JAG2: variants seen among roughly 807,000 people sequenced by gnomAD.
JAG2 encodes jagged canonical Notch ligand 2.
JAG2 carries 46 observed loss-of-function variants against 141.7 expected under a neutral mutation model. The ratio of observed to expected loss-of-function variants is 0.32; its 90% CI spans 0.26 to 0.42. The LOEUF is 0.42. JAG2 is among the 10% of genes least tolerant of loss of function. The pLI, the probability that JAG2 is intolerant of heterozygous loss-of-function variation, is 1.00. For missense variants in JAG2, 1,500 were observed against 1,817.5 expected, an observed-to-expected ratio of 0.83 and a Z score of 3.18; for synonymous variants, 862 against 763.5, an observed-to-expected ratio of 1.13 and a Z score of -2.13.
At position 105,151,596 on chromosome 14, in the gene JAG2, G is replaced by A. The variant is rs200292411; in HGVS notation, c.1153+30C>T. The A allele has an allele frequency of 3.2e-6, 5 of 1,539,710 alleles. No individual in the cohort carries two copies. In the East Asian group the frequency reaches 1.2e-4, roughly 36 times the overall value. On this transcript the variant is annotated intron_variant, in intron 8 of 25. Transcript: ENST00000331782. ...CCCAGACCCCCACTGATACTAGGCA[G>A]GAGTCCCCTACTCACGTGCAGACAC...
Position 105,168,440 on chromosome 14 carries a change from CCCGGCCCCGCCGCCGCCGCCCGCG to C in JAG2, c.-44_-21del. 1.3e-6 allele frequency: 1 copy of C among 774,266 alleles called. No individual in the cohort carries two copies. The highest frequency in any genetic ancestry group is 1.6e-6 in the Non-Finnish European group (1 of 639,454). The allele number at this position is 774,266 out of a possible 1,614,324, so 48.0% of individuals were successfully genotyped here. A position where few individuals can be genotyped will look rare whatever the true frequency, so the allele number is the denominator to read the frequency against. ...CCGCATTGCCCCCGCGACCCGCCCG[CCCGGCCCCGCCGCCGCCGCCCGCG>C]CCCGGCTCCCAGCCGCCGCGCCGGC... On this transcript the variant is annotated 5_prime_UTR_variant, in exon 1 of 26. Coordinates refer to ENST00000331782, the MANE Select transcript of JAG2 (RefSeq NM_002226.5).
At position 105,167,722 on chromosome 14, in the gene JAG2, G is replaced by T. The variant is rs1384514264; in HGVS notation, c.417+35C>A. On this transcript the variant is annotated intron_variant, in intron 2 of 25. Transcript: ENST00000331782. This position sits in a 1 kb window ranked among gnomAD's most constrained non-coding sequence, Gnocchi z 4.8. ...CGGGGCCGGGGCGCGGAGAGAGAGG[G>T]AAGGGCTGGAGCACGAGGGATGGAG... 7 of 1,411,336 alleles carry T rather than the reference G, an allele frequency of 5.0e-6. No homozygotes were observed. The highest frequency in any genetic ancestry group is 5.6e-5 in the Admixed American group (2 of 35,912). 87.4% of individuals were successfully genotyped at this position (1,411,336 alleles called of 1,614,324 possible). A position where few individuals can be genotyped will look rare whatever the true frequency, so the allele number is the denominator to read the frequency against.
Position 105,145,991 on chromosome 14 carries a change from G to A in JAG2, c.2710-18C>T. Reference sequence around the variant, plus strand: ...CACCACACCTGGGCAGGCACGCACAGGAGGGTCAGGCGCAGGCGCACAGGA... The same window carrying A: ...CACCACACCTGGGCAGGCACGCACAAGAGGGTCAGGCGCAGGCGCACAGGA... On this transcript the variant is annotated intron_variant, in intron 22 of 25. Transcript: ENST00000331782. The A allele has an allele frequency of 6.3e-7, 1 of 1,590,998 alleles. No individual in the cohort carries two copies. Among genetic ancestry groups the A allele is most frequent in the Non-Finnish European group, 8.5e-7 (1 of 1,171,726 alleles).
intron 5 of JAG2, among the ~76,000 whole-genome samples, chr14:105,153,714 GC>G (rs1479205401): frequency 1.3e-5 from 2 of 152,172 alleles, no homozygotes; most frequent in African/African-American, 4.8e-5. Context: ...CTCACCTACT[GC>G]CCCCACCCAC....
chr14:105,166,495 C>A (rs1307419337), intron 2 of JAG2, among the ~76,000 whole-genome samples: 1 of 152,244 alleles, frequency 6.6e-6, no homozygotes, highest in African/African-American at 2.4e-5. Context: ...GGGACACTTT[C>A]CCCTCTCTGG....
chr14:105,152,563 C>G (rs138622239), intron 5 of JAG2, among the ~76,000 whole-genome samples: 2 of 152,130 alleles, frequency 1.3e-5, no homozygotes, highest in African/African-American at 4.8e-5. Flanking sequence ...AGCTGGGCCC[C>G]GAGAGCAGGC....
intron 20 of JAG2, 95 bp from the exon 21 acceptor site, chr14:105,146,819 G>A: frequency 1.0e-6 from 1 of 992,900 alleles, no homozygotes; most frequent in Non-Finnish European, 1.6e-6. Flanking sequence ...TGGCACACAG[G>A]CGCAAGCCCC....
In JAG2 at chr14:105,152,225, G is replaced by A. The variant is rs1888457916; in HGVS notation, c.855C>T (p.Gly285=). ...TGCACTGCCAGGGCTCCACACAACT[G>A]CCATGCACGCAGCCGGGGTAGGGGA... The part of the protein sequence containing the change: ...ECVPYPGCVH[G]SCVEPWQCNC... The change falls in exon 6 of 26, where the codon GGC becomes GGT. Residue 285 remains glycine (G), a synonymous_variant. Transcript: ENST00000331782. 1.2e-6 allele frequency: 2 copies of A among 1,613,598 alleles called. No individual in the cohort carries two copies. The highest frequency in any genetic ancestry group is 1.7e-6 in the Non-Finnish European group (2 of 1,180,010).
intron 7 of JAG2, 48 bp from the exon 8 acceptor site, chr14:105,151,787 T>C (rs1368217165): frequency 6.2e-7 from 1 of 1,600,920 alleles, no homozygotes; most frequent in African/African-American, 1.3e-5. Context: ...GGCCCCCAGC[T>C]TTCCACAAGC....
chr14:105,143,403 G>A (rs1161446548), intron 25 of JAG2, 79 bp downstream of exon 25: 26 of 1,489,222 alleles, frequency 1.7e-5, no homozygotes, highest in Middle Eastern at 2.2e-4. Context: ...TGGCAGGATC[G>A]GCAGGATCGG....
chr14:105,152,285 G>A lies in JAG2; in HGVS notation c.795C>T (p.Ser265=). The A allele has an allele frequency of 1.2e-6, 2 of 1,613,148 alleles. No homozygotes were observed. Among genetic ancestry groups the A allele is most frequent in the Non-Finnish European group, 1.7e-6 (2 of 1,179,910 alleles). ...GCTVPGECRC[S]YGWQGRFCDE... ...CGCAGAACCTCCCTTGCCAGCCGTA[G>A]CTGCACCTGGGGGAAGGAGGAGGGG... Residue 265 remains serine, a synonymous_variant, in exon 6 of 26, where the codon AGC becomes AGT. Coordinates refer to ENST00000331782, the MANE Select transcript of JAG2 (RefSeq NM_002226.5).
At chr14:105,152,097 C>G in intron 6 of JAG2, 40 bp from the exon 7 acceptor site, 1 of 1,613,158 alleles carries the variant, frequency 6.2e-7, no homozygotes, top group Non-Finnish European at 8.5e-7. Context: ...AAAGCCGGCC[C>G]CCCGCTCCCC....
In JAG2 at chr14:105,165,992, G is replaced by C. The variant is rs992365599; in HGVS notation, c.417+1765C>G. ...GTGCTGGCATCACGGCACAGCTCCC[G>C]CCCGGCAGCCAGGCCACATGGCAGG... On this transcript the variant is annotated intron_variant, in intron 2 of 25. Coordinates refer to ENST00000331782, the MANE Select transcript of JAG2 (RefSeq NM_002226.5). Among the ~76,000 whole-genome samples, 35 of 152,272 alleles carry C rather than the reference G, an allele frequency of 2.3e-4. 1 individual carries two copies. The highest frequency in any genetic ancestry group is 4.1e-4 in the South Asian group (2 of 4,824).
At chr14:105,158,326 A>C (rs1200244638) in intron 2 of JAG2, among the ~76,000 whole-genome samples, 1 of 152,178 alleles carries the variant, frequency 6.6e-6, no homozygotes, top group Non-Finnish European at 1.5e-5. Context: ...GGCATACAGC[A>C]CACAGGCAAA....
At chr14:105,146,776 G>A in intron 20 of JAG2, 52 bp from the exon 21 acceptor site, 1 of 1,412,178 alleles carries the variant, frequency 7.1e-7, no homozygotes, top group Non-Finnish European at 9.9e-7. Flanking sequence ...GCCCACCGCA[G>A]GACCGGCATG....
In JAG2 at chr14:105,167,628, C is replaced by T; in HGVS notation, c.417+129G>A. ...CCCAGAGCACGCGCCCCCTGCCGGC[C>T]CCGCCCCGCCTGGGCGCGCGCGGCT... On this transcript the variant is annotated intron_variant, in intron 2 of 25. Transcript: ENST00000331782. This position sits in a 1 kb window ranked among gnomAD's most constrained non-coding sequence, Gnocchi z 4.8. 1 of 1,106,296 alleles carries T rather than the reference C, an allele frequency of 9.0e-7. No homozygotes were observed. The highest frequency in any genetic ancestry group is 1.1e-6 in the Non-Finnish European group (1 of 892,068). 68.5% of individuals were successfully genotyped at this position (1,106,296 alleles called of 1,614,324 possible).
intron 2 of JAG2, among the ~76,000 whole-genome samples, chr14:105,162,821 A>AC (rs1461270934): frequency 3.9e-5 from 5 of 127,542 alleles, no homozygotes; most frequent in Non-Finnish European, 6.8e-5. Flanking sequence ...GGTCCAGGGC[A>AC]CCCCCAGCCC....
At chr14:105,147,639 G>C in intron 18 of JAG2, 112 bp from the exon 19 acceptor site, 7 of 1,237,294 alleles carry the variant, frequency 5.7e-6, no homozygotes, top group Non-Finnish European at 8.2e-6. Flanking sequence ...GGGTCATCAA[G>C]GAGGGTGCCT....
rs1459702311 is a variant in JAG2, at chr14:105,142,341, A to C, written c.*354T>G. 3 of 221,714 alleles carry C rather than the reference A, an allele frequency of 1.4e-5. No individual in the cohort carries two copies. The highest frequency in any genetic ancestry group is 4.7e-5 in the African/African-American group (2 of 42,318). 13.7% of individuals were successfully genotyped at this position (221,714 alleles called of 1,614,324 possible). A position where few individuals can be genotyped will look rare whatever the true frequency, so the allele number is the denominator to read the frequency against. On this transcript the variant is annotated 3_prime_UTR_variant, in exon 26 of 26. Transcript: ENST00000331782. ...TGGCCTGGAGCCACAGAGAAACCCG[A>C]GTGAGGAATAAAAGGAAGATTCTGT...
Sources: allele counts gnomAD v4.1 joint callset (sites outside exome capture counted in the v4.1 genomes callset), GRCh38; gene constraint gnomAD v4.1.1; non-coding constraint Gnocchi (gnomAD v3.1); transcripts MANE v1.5; gene names NCBI Gene and HGNC (gene_info 2026-07-23, HGNC 2026-07-21).